RNF125: variants seen among roughly 807,000 people sequenced by gnomAD.
The protein encoded by RNF125 is E3 ubiquitin-protein ligase RNF125.
RNF125 carries 21 observed loss-of-function variants against 26.0 expected under a neutral mutation model. The observed-to-expected ratio is 0.81, with a 90% CI of 0.57 to 1.16. The LOEUF is 1.16. Among genes scored for constraint, RNF125 ranks in the 50% most tolerant of loss-of-function variants. The probability of loss-of-function intolerance (pLI) is 0.00; values close to 1 mark genes in which losing one functional copy is unlikely to be tolerated. For missense variants in RNF125, 270 were observed against 299.4 expected, an observed-to-expected ratio of 0.90 and a Z score of 0.72; for synonymous variants, 95 against 109.2, an observed-to-expected ratio of 0.87 and a Z score of 0.81.
rs2039515733 is a variant in RNF125, at chr18:32,069,645, T to A, written c.*1261T>A. 1 of 152,228 alleles carries A rather than the reference T, an allele frequency of 6.6e-6. No individual in the cohort carries two copies. The highest frequency in any genetic ancestry group is 2.1e-4 in the South Asian group (1 of 4,836). 9.4% of individuals were successfully genotyped at this position (152,228 alleles called of 1,614,324 possible). ...CACAAAAGTAACTGCTAGACTGATT[T>A]AAATGGTAATCACTTTGTTGCATTT... On this transcript the variant is annotated 3_prime_UTR_variant, in exon 6 of 6. Transcript: ENST00000217740.
At chr18:32,076,450 G>C (rs1443976074), downstream of RNF125, among the ~76,000 whole-genome samples, 1 of 151,850 alleles carries the variant, frequency 6.6e-6, no homozygotes, top group Non-Finnish European at 1.5e-5. Context: ...CTAGTAGCTG[G>C]GATCATAGAC....
At chr18:32,025,210 A>G (rs1038238357) in intron 1 of RNF125, among the ~76,000 whole-genome samples, 2 of 149,078 alleles carry the variant, frequency 1.3e-5, no homozygotes, top group Non-Finnish European at 3.0e-5. Context: ...ATACAAACTC[A>G]TGTGTAAACA....
chr18:32,089,645 C>A, the RNF125 span, among the ~76,000 whole-genome samples: 1 of 152,166 alleles, frequency 6.6e-6, no homozygotes, highest in African/African-American at 2.4e-5. Flanking sequence ...TTAAGCTTAA[C>A]TTTCCAAGGG....
chr18:32,068,084 C>A (rs1414290164), intron 5 of RNF125, among the ~76,000 whole-genome samples: 1 of 152,122 alleles, frequency 6.6e-6, no homozygotes, highest in East Asian at 1.9e-4. Context: ...TTTATTATGA[C>A]AGTAACTAGT....
chr18:32,020,922 A>G (rs1486109798), intron 1 of RNF125, among the ~76,000 whole-genome samples: 1 of 151,928 alleles, frequency 6.6e-6, no homozygotes, highest in African/African-American at 2.4e-5. Context: ...AAAAAGAAAG[A>G]AAAAAAAGAA....
intron 1 of RNF125, among the ~76,000 whole-genome samples, chr18:32,020,928 AAG>A (rs2038980557): frequency 6.6e-6 from 1 of 152,118 alleles, no homozygotes; most frequent in South Asian, 2.1e-4. Flanking sequence ...AAAGAAAAAA[AAG>A]AAAGTTTTGA....
intron 4 of RNF125, among the ~76,000 whole-genome samples, chr18:32,060,815 T>C (rs1568207186): frequency 1.3e-5 from 2 of 152,208 alleles, no homozygotes; most frequent in Admixed American, 6.5e-5. Context: ...GATGTGTCTT[T>C]AGTCACACAA....
chr18:32,059,269 C>T (rs2039414050), intron 4 of RNF125, among the ~76,000 whole-genome samples: 1 of 152,186 alleles, frequency 6.6e-6, no homozygotes, highest in Non-Finnish European at 1.5e-5. Flanking sequence ...TTCTCCACAT[C>T]CTCGTCAGCA....
chr18:32,066,026 A>G lies in RNF125; in HGVS notation c.612+17A>G. ...GATTTCATAGTAAGTATATTTTCTT[A>G]TTTTTACATTATGTTTTCATGCTGT... On this transcript the variant is annotated intron_variant, in intron 5 of 5. Coordinates refer to ENST00000217740, the MANE Select transcript of RNF125 (RefSeq NM_017831.4). 1 of 1,439,784 alleles carries G rather than the reference A, an allele frequency of 6.9e-7. No homozygotes were observed. The highest frequency in any genetic ancestry group is 1.1e-5 in the South Asian group (1 of 87,070). The allele number at this position is 1,439,784 out of a possible 1,614,324, so 89.2% of individuals were successfully genotyped here. A position where few individuals can be genotyped will look rare whatever the true frequency, so the allele number is the denominator to read the frequency against.
Position 32,019,026 on chromosome 18 carries a change from G to A in RNF125, c.163G>A (p.Val55Ile), listed in dbSNP as rs764032084. 13 of 1,612,386 alleles carry A rather than the reference G, an allele frequency of 8.1e-6. No homozygotes were observed. Among genetic ancestry groups the A allele is most frequent in the Non-Finnish European group, 1.0e-5 (12 of 1,179,292 alleles). ...GCCTGTCCGGACCCGCTGTGGCCAC[G>A]TGTAAGTTCCAGGGGAGCTCGGTTT... ...HQPVRTRCGHVFCRSCIATSL... is the reference protein window; with the variant it reads ...HQPVRTRCGHIFCRSCIATSL... Residue 55 changes from valine to isoleucine, a missense_variant and splice_region_variant, in exon 1 of 6, where the codon GTA (valine) becomes ATA (isoleucine). Transcript: ENST00000217740.
At chr18:32,063,784 CAA>C (rs1274305249) in intron 4 of RNF125, among the ~76,000 whole-genome samples, 1 of 152,040 alleles carries the variant, frequency 6.6e-6, no homozygotes, top group Non-Finnish European at 1.5e-5. Flanking sequence ...AGATGGATCT[CAA>C]AGTCATGCTC....
intron 3 of RNF125, among the ~76,000 whole-genome samples, chr18:32,044,142 G>A (rs2039245901): frequency 6.6e-6 from 1 of 152,078 alleles, no homozygotes; most frequent in South Asian, 2.1e-4. Context: ...GAGTAGCTGG[G>A]ATTACAGGCG....
intron 5 of RNF125, 30 bp downstream of exon 5, chr18:32,066,039 G>A: frequency 7.3e-7 from 1 of 1,368,466 alleles, no homozygotes; most frequent in Admixed American, 1.7e-5. Flanking sequence ...TTTACATTAT[G>A]TTTTCATGCT....
intron 1 of RNF125, among the ~76,000 whole-genome samples, chr18:32,033,611 G>A (rs1439199594): frequency 6.6e-6 from 1 of 151,202 alleles, no homozygotes; most frequent in Non-Finnish European, 1.5e-5. Context: ...ACCTGAGGGC[G>A]AGAGTTTGAG....
At chr18:32,031,486 G>GAAAAAAAAAAAAAA (rs745809061) in intron 1 of RNF125, 5 of 20,956 alleles carry the variant, frequency 2.4e-4, no homozygotes, top group African/African-American at 5.7e-4. Context: ...CAAATTGTGG[G>GAAAAAAAAAAAAAA]AAAAAAAAAA....
At chr18:32,068,192 G>A (rs147629660) in intron 5 of RNF125, 106 bp from the exon 6 acceptor site, 17 of 600,296 alleles carry the variant, frequency 2.8e-5, no homozygotes, top group Admixed American at 1.5e-4. Context: ...GACAAGTCTC[G>A]TAACTTTAGT....
At chr18:32,081,712 T>C in the RNF125 span, among the ~76,000 whole-genome samples, 1 of 152,194 alleles carries the variant, frequency 6.6e-6, no homozygotes, top group Non-Finnish European at 1.5e-5. Context: ...ACCTATAAAA[T>C]CTATTATAAT....
chr18:32,055,901 C>T (rs1004385848), intron 4 of RNF125, among the ~76,000 whole-genome samples: 1 of 142,104 alleles, frequency 7.0e-6, no homozygotes, highest in African/African-American at 2.7e-5. Context: ...ATCGCTTGAA[C>T]CTGGGAGGCG....
downstream of RNF125, chr18:32,075,826 G>A: frequency 1.5e-6 from 1 of 668,062 alleles, no homozygotes; most frequent in Non-Finnish European, 2.6e-6. Flanking sequence ...TTTCTTTGTT[G>A]TTGTTGTTTG....
Sources: allele counts gnomAD v4.1 joint callset (sites outside exome capture counted in the v4.1 genomes callset), GRCh38; gene constraint gnomAD v4.1.1; transcripts MANE v1.5; gene names NCBI Gene and HGNC (gene_info 2026-07-23, HGNC 2026-07-21).